LIPA: variants seen among roughly 807,000 people sequenced by gnomAD.
The protein encoded by LIPA is lysosomal acid lipase/cholesteryl ester hydrolase.
In LIPA, 26 loss-of-function variants were observed where a neutral mutation model predicts 40.6. That is an observed-to-expected ratio of 0.64 (90% CI 0.47 to 0.89). The LOEUF (loss-of-function observed/expected upper bound fraction) is 0.89. Ranked by LOEUF, LIPA falls within the 40% of genes least tolerant of loss-of-function variation. The probability of loss-of-function intolerance (pLI) is 0.00; values close to 1 mark genes in which losing one functional copy is unlikely to be tolerated. For synonymous variants in LIPA, 188 were observed against 168.4 expected (o/e 1.12, Z -0.90); for missense variants, 455 against 479.6 (o/e 0.95, Z 0.48).
In LIPA at chr10:89,383,338, C is replaced by A. The variant is rs777595584; in HGVS notation, c.61+29453G>T. On this transcript the variant is annotated intron_variant, in intron 2 of 8. Coordinates refer to the LIPA transcript ENST00000371837. ...TTACAGTGAAGAATCTGATGGAAAGCTTATTGAAGACAGCCTGATTCAGCT... is the reference window on the plus strand; with the variant it reads ...TTACAGTGAAGAATCTGATGGAAAGATTATTGAAGACAGCCTGATTCAGCT... The A allele has an allele frequency of 1.1e-5, 17 of 1,613,046 alleles. No homozygotes were observed. In the South Asian group the frequency reaches 1.8e-4, roughly 17 times the overall value.
At chr10:89,381,981 G>C (rs1048843756) in intron 2 of LIPA, among the ~76,000 whole-genome samples, 5 of 151,948 alleles carry the variant, frequency 3.3e-5, no homozygotes, top group Admixed American at 6.6e-5. Context: ...TGTTGCCCAG[G>C]CTAGTTTTGA....
At chr10:89,310,843 A>G (rs907903173) in intron 1 of LIPA, among the ~76,000 whole-genome samples, 7 of 152,204 alleles carry the variant, frequency 4.6e-5, no homozygotes, top group African/African-American at 7.2e-5. Context: ...AAACAGGTAA[A>G]CGATACAAAT....
chr10:89,314,338 T>C (rs879501305), intron 1 of LIPA, among the ~76,000 whole-genome samples: 5 of 152,354 alleles, frequency 3.3e-5, no homozygotes, highest in African/African-American at 4.8e-5. Flanking sequence ...TGACTCCATA[T>C]GTAAGTTCAA....
intron 1 of LIPA, among the ~76,000 whole-genome samples, chr10:89,304,657 T>C (rs1177221907): frequency 6.6e-6 from 1 of 152,112 alleles, no homozygotes; most frequent in Admixed American, 6.5e-5. Flanking sequence ...ACACAGACAG[T>C]GTTGAGAAAT....
intron 3 of LIPA, among the ~76,000 whole-genome samples, chr10:89,234,378 C>T (rs1433123774): frequency 6.6e-6 from 1 of 152,110 alleles, no homozygotes; most frequent in African/African-American, 2.4e-5. Flanking sequence ...CATCCCAGAA[C>T]AAAAAAGTCT....
intron 1 of LIPA, among the ~76,000 whole-genome samples, chr10:89,290,008 G>C (rs1467092648): frequency 6.8e-6 from 1 of 147,166 alleles, no homozygotes; most frequent in African/African-American, 2.6e-5. Context: ...GGGTGGGGGG[G>C]ACTCTGTATA....
intron 2 of LIPA, among the ~76,000 whole-genome samples, chr10:89,369,460 G>C (rs1460613331): frequency 6.6e-6 from 1 of 151,966 alleles, no homozygotes. Context: ...GGGGATGGCA[G>C]TGAGCAGCCA....
At chr10:89,329,171 G>C (rs550912224) in intron 1 of LIPA, among the ~76,000 whole-genome samples, 30 of 152,252 alleles carry the variant, frequency 2.0e-4, no homozygotes, top group South Asian at 4.1e-4. Flanking sequence ...GACCATTCAG[G>C]GGGGCAGAAA....
rs374216701 is a variant in LIPA, at chr10:89,313,938, G to A, written c.-2+28673C>T. ...TGAGAATGTTCTATAATTGATTGTG[G>A]TGCTGGTTGCATAACTGTGAATATA... On this transcript the variant is annotated intron_variant, in intron 1 of 5. Transcript: ENST00000282673. Among the ~76,000 whole-genome samples, 3 of 152,240 alleles carry A rather than the reference G, an allele frequency of 2.0e-5. No individual in the cohort carries two copies. The South Asian group carries it at 6.2e-4, about 32-fold the overall frequency.
At chr10:89,229,347 CAG>C (rs1842810593) in intron 3 of LIPA, among the ~76,000 whole-genome samples, 1 of 152,138 alleles carries the variant, frequency 6.6e-6, no homozygotes, top group African/African-American at 2.4e-5. Context: ...AATTCATAGA[CAG>C]AGTAAAGAGG....
chr10:89,383,861 T>G, intron 2 of LIPA: 1 of 1,614,202 alleles, frequency 6.2e-7, no homozygotes, highest in South Asian at 1.1e-5. Context: ...GGGTACGCAA[T>G]CACCGTCTAT....
At chr10:89,370,566 T>G (rs1844086131) in intron 2 of LIPA, among the ~76,000 whole-genome samples, 1 of 152,082 alleles carries the variant, frequency 6.6e-6, no homozygotes, top group Non-Finnish European at 1.5e-5. Context: ...AAAGTCCTTT[T>G]GGAACTAATG....
intron 1 of LIPA, chr10:89,332,374 T>A (rs1007587681): frequency 2.4e-6 from 2 of 848,736 alleles, no homozygotes; most frequent in African/African-American, 3.5e-5. Flanking sequence ...CAAACCACAG[T>A]TTTCCAAATC....
At chr10:89,291,612 C>T (rs1010788654) in intron 1 of LIPA, among the ~76,000 whole-genome samples, 1 of 151,980 alleles carries the variant, frequency 6.6e-6, no homozygotes, top group Non-Finnish European at 1.5e-5. Flanking sequence ...TTAGGCAGGA[C>T]AGTGCTTTAC....
chr10:89,269,103 C>A (rs1168072770), intron 1 of LIPA, among the ~76,000 whole-genome samples: 1 of 151,776 alleles, frequency 6.6e-6, no homozygotes, highest in Non-Finnish European at 1.5e-5. Flanking sequence ...GGCAGGTGGA[C>A]CACCTGAGGT....
At chr10:89,217,898 A>T (rs1239211648) in intron 8 of LIPA, among the ~76,000 whole-genome samples, 1 of 152,210 alleles carries the variant, frequency 6.6e-6, no homozygotes, top group Non-Finnish European at 1.5e-5. Context: ...TTCAAATAAT[A>T]GATATTTGGG....
In LIPA at chr10:89,233,784, T is replaced by C. The variant is rs978191932; in HGVS notation, c.230-5386A>G. Among the ~76,000 whole-genome samples, 205 of 152,276 alleles carry C rather than the reference T, an allele frequency of 1.3e-3. 2 individuals carry two copies. The highest frequency in any genetic ancestry group is 2.5e-3 in the Non-Finnish European group (168 of 68,012). ...AGGAGGCTGAGGCAGGAGAATTGTT[T>C]GAACCCAAGAGGTAGAAGTTGTGGT... On this transcript the variant is annotated intron_variant, in intron 3 of 9. Coordinates refer to ENST00000336233, the MANE Select transcript of LIPA (RefSeq NM_000235.4).
intron 2 of LIPA, among the ~76,000 whole-genome samples, chr10:89,349,533 G>GGTGT (rs1210800753): frequency 6.6e-6 from 1 of 151,950 alleles, no homozygotes; most frequent in Non-Finnish European, 1.5e-5. Context: ...ACCTTACTAA[G>GGTGT]GTGTGTGTGT....
At chr10:89,389,514 C>T (rs1044245973) in intron 2 of LIPA, among the ~76,000 whole-genome samples, 2 of 152,136 alleles carry the variant, frequency 1.3e-5, no homozygotes, top group African/African-American at 4.8e-5. Flanking sequence ...GTAACCAGAT[C>T]ACTAGATCCT....
Sources: allele counts gnomAD v4.1 joint callset (sites outside exome capture counted in the v4.1 genomes callset), GRCh38; gene constraint gnomAD v4.1.1; transcripts MANE v1.5; gene names NCBI Gene and HGNC (gene_info 2026-07-23, HGNC 2026-07-21).